The following TEAD1 variants were observed in gnomAD, a reference collection of about 807,000 sequenced individuals.
TEAD1 encodes the protein TEA domain transcription factor 1, also known as transcriptional enhancer factor TEF-1.
A neutral mutation model predicts 54.9 loss-of-function variants in TEAD1; 9 were observed. That is an observed-to-expected ratio of 0.16 (90% confidence interval 0.10 to 0.29). The LOEUF is 0.29. TEAD1 is among the 10% of genes least tolerant of loss of function. The pLI is 1.00. For missense variants in TEAD1, 387 were observed against 535.9 expected, an observed-to-expected ratio of 0.72 and a Z score of 2.74; for synonymous variants, 200 against 187.8, an observed-to-expected ratio of 1.07 and a Z score of -0.53.
chr11:12,894,204 A>G (rs1049507457), intron 9 of TEAD1, among the ~76,000 whole-genome samples: 6 of 152,160 alleles, frequency 3.9e-5, no homozygotes, highest in Admixed American at 1.3e-4. Context: ...AGGTTTCACT[A>G]CGTTCTTCAA....
At chr11:12,858,617 T>G (rs1234385023) in intron 3 of TEAD1, among the ~76,000 whole-genome samples, 1 of 152,234 alleles carries the variant, frequency 6.6e-6, no homozygotes, top group African/African-American at 2.4e-5. Context: ...AATAATTACT[T>G]ATTCATGGCT....
intron 3 of TEAD1, among the ~76,000 whole-genome samples, chr11:12,821,887 C>T (rs545325031): frequency 5.3e-5 from 8 of 151,504 alleles, no homozygotes; most frequent in African/African-American, 1.7e-4. Context: ...GTCTGCCTCC[C>T]CTCTGCCTTA....
At chr11:12,690,351 A>G (rs886430585) in intron 2 of TEAD1, among the ~76,000 whole-genome samples, 1 of 151,816 alleles carries the variant, frequency 6.6e-6, no homozygotes, top group African/African-American at 2.4e-5. Context: ...GCTGGTCTAG[A>G]TGAGGGTCCC....
At chr11:12,822,986 A>G (rs1267969513) in intron 3 of TEAD1, among the ~76,000 whole-genome samples, 1 of 152,210 alleles carries the variant, frequency 6.6e-6, no homozygotes, top group Admixed American at 6.5e-5. Context: ...ACATCTCAAG[A>G]CAACATTTTT....
At chr11:12,696,084 A>G (rs1418303587) in intron 2 of TEAD1, among the ~76,000 whole-genome samples, 1 of 152,254 alleles carries the variant, frequency 6.6e-6, no homozygotes. Context: ...TGAGGCTCTG[A>G]CTGTACAGCT....
chr11:12,728,347 T>G (rs1944353768), intron 2 of TEAD1, among the ~76,000 whole-genome samples: 1 of 152,182 alleles, frequency 6.6e-6, no homozygotes, highest in Non-Finnish European at 1.5e-5. Flanking sequence ...TCGATATTAA[T>G]GTTGCACCTG....
chr11:12,883,776 G>A (rs1350295827), intron 9 of TEAD1, among the ~76,000 whole-genome samples: 2 of 152,090 alleles, frequency 1.3e-5, no homozygotes, highest in Non-Finnish European at 2.9e-5. Flanking sequence ...CACTTTGGGA[G>A]GCCGAGGCAG....
chr11:12,758,366 G>C (rs1212204223), intron 2 of TEAD1, among the ~76,000 whole-genome samples: 1 of 147,874 alleles, frequency 6.8e-6, no homozygotes, highest in Admixed American at 6.7e-5. Flanking sequence ...TCAGCCTCCT[G>C]AGCAGCTGGT....
chr11:12,678,827 T>A (rs1943152287), intron 2 of TEAD1, among the ~76,000 whole-genome samples: 1 of 152,226 alleles, frequency 6.6e-6, no homozygotes, highest in South Asian at 2.1e-4. Context: ...CATATTTGAA[T>A]TTGGAATTGA....
chr11:12,885,451 G>T (rs1948068449), intron 9 of TEAD1, among the ~76,000 whole-genome samples: 1 of 151,874 alleles, frequency 6.6e-6, no homozygotes, highest in Non-Finnish European at 1.5e-5. Flanking sequence ...GTTAGCCAGG[G>T]TGGTCTCGAT....
intron 3 of TEAD1, among the ~76,000 whole-genome samples, chr11:12,842,132 A>G (rs1477500324): frequency 1.3e-5 from 2 of 152,202 alleles, no homozygotes; most frequent in East Asian, 3.8e-4. Flanking sequence ...AATGATATAT[A>G]GCTTGTCATA....
intron 3 of TEAD1, among the ~76,000 whole-genome samples, chr11:12,773,774 C>G (rs1015032605): frequency 1.3e-5 from 2 of 152,200 alleles, no homozygotes; most frequent in Non-Finnish European, 2.9e-5. Context: ...AAACTTTTAA[C>G]AGCGAAAGTT....
At position 12,685,058 on chromosome 11, in the gene TEAD1, A is replaced by C. The variant is rs115317812; in HGVS notation, c.-55+9497A>C. ...TCCCAGCTACACTTCTGGGTGTGTCAATGTCCCTGTGTTTTTAGATCTGGG... is the reference window on the plus strand; with the variant it reads ...TCCCAGCTACACTTCTGGGTGTGTCCATGTCCCTGTGTTTTTAGATCTGGG... On this transcript the variant is annotated intron_variant, in intron 2 of 12. Transcript: ENST00000527636. Among the ~76,000 whole-genome samples, 920 of 152,220 alleles carry C rather than the reference A, an allele frequency of 6.0e-3. 7 individuals are homozygous for C. Among genetic ancestry groups the C allele is most frequent in the African/African-American group, 0.02 (829 of 41,510 alleles).
rs1233852495 is a variant in TEAD1 at position 12,855,288 on chromosome 11, C to CTTTCTTT, written c.203-6951_203-6945dup. The stretch of plus-strand genomic sequence containing the variant: ...CTTTCTTTTTTTTTCTTTTTTCTTT[C>CTTTCTTT]TTTCTTTTTTCTTTTTTGTTGAGAC... On this transcript the variant is annotated intron_variant, in intron 3 of 12. Transcript: ENST00000527636. 2.0e-5 allele frequency among the ~76,000 whole-genome samples: 3 copies of CTTTCTTT among 150,864 alleles called. No homozygotes were observed. In the East Asian group the frequency reaches 5.9e-4, roughly 30 times the overall value.
intron 3 of TEAD1, among the ~76,000 whole-genome samples, chr11:12,783,112 G>GTA (rs1945595327): frequency 6.7e-6 from 1 of 149,028 alleles, no homozygotes; most frequent in African/African-American, 2.5e-5. Flanking sequence ...GTGTGTGTGT[G>GTA]TGTGTGTGTG....
intron 2 of TEAD1, among the ~76,000 whole-genome samples, chr11:12,763,824 G>A (rs966498344): frequency 6.6e-6 from 1 of 152,182 alleles, no homozygotes; most frequent in Non-Finnish European, 1.5e-5. Flanking sequence ...TTGCAACTCC[G>A]AGTGAGTACC....
rs116605467 is a variant in TEAD1, at chr11:12,740,271, T to C, written c.-54-23908T>C. Among the ~76,000 whole-genome samples the C allele has an allele frequency of 7.8e-3, 1,195 of 152,330 alleles. 21 individuals carry two copies. The highest frequency in any genetic ancestry group is 0.027 in the African/African-American group (1,141 of 41,582). On this transcript the variant is annotated intron_variant, in intron 2 of 12. Transcript: ENST00000527636. ...TAGTACTTTTCTCATAGTATTGTTA[T>C]GGGTATTAAATGAGTCAGGACATAC...
intron 10 of TEAD1, among the ~76,000 whole-genome samples, chr11:12,902,961 T>G (rs1410653466): frequency 6.6e-6 from 1 of 152,166 alleles, no homozygotes; most frequent in East Asian, 1.9e-4. Context: ...TGATTTCTCT[T>G]TTAATCCCAT....
At chr11:12,864,625 T>G in intron 4 of TEAD1, 1 of 1,113,342 alleles carries the variant, frequency 9.0e-7, no homozygotes, top group Non-Finnish European at 1.2e-6. Context: ...CTTTTTTGTT[T>G]TGTTTTGTTT....
Sources: gnomAD v4.1 joint callset for allele counts (sites outside exome capture counted in the v4.1 genomes callset) on GRCh38, gnomAD v4.1.1 for gene constraint, MANE v1.5 for transcripts, NCBI Gene and HGNC (gene_info 2026-07-23, HGNC 2026-07-21) for gene names.